The following DLGAP2 variants were observed in gnomAD, a reference collection of about 807,000 sequenced individuals.
DLGAP2 encodes the protein disks large-associated protein 2.
A neutral mutation model predicts 100.3 loss-of-function variants in DLGAP2; 26 were observed. That is an observed-to-expected ratio of 0.26 (90% CI 0.19 to 0.36). The LOEUF (loss-of-function observed/expected upper bound fraction) is 0.36, where lower values mean the gene tolerates loss of function less well. Ranked by LOEUF, DLGAP2 falls within the 10% of genes least tolerant of loss-of-function variation. The pLI, the probability that DLGAP2 is intolerant of heterozygous loss-of-function variation, is 1.00. For missense variants in DLGAP2, 1,858 were observed against 1,453.2 expected (o/e 1.28, Z -4.53); for synonymous variants, 886 against 630.1 (o/e 1.41, Z -6.08).
chr8:1,047,582 T>C (rs1206638229), intron 2 of DLGAP2, among the ~76,000 whole-genome samples: 1 of 152,092 alleles, frequency 6.6e-6, no homozygotes, highest in African/African-American at 2.4e-5. Flanking sequence ...TTTCCCAAGG[T>C]TCTGGGGTAT....
intron 3 of DLGAP2, among the ~76,000 whole-genome samples, chr8:1,360,578 A>T (rs1801960647): frequency 6.6e-6 from 1 of 151,968 alleles, no homozygotes; most frequent in African/African-American, 2.4e-5. Flanking sequence ...GCTGGCAGGT[A>T]CCCCGAAAAG....
At chr8:904,653 G>T (rs1319268749) in intron 1 of DLGAP2, among the ~76,000 whole-genome samples, 1 of 152,200 alleles carries the variant, frequency 6.6e-6, no homozygotes, top group Non-Finnish European at 1.5e-5. Context: ...CCACGGAGGG[G>T]TTAGAAATCA....
At chr8:941,986 C>G (rs970827385) in intron 2 of DLGAP2, among the ~76,000 whole-genome samples, 3 of 152,132 alleles carry the variant, frequency 2.0e-5, no homozygotes, top group African/African-American at 7.2e-5. Flanking sequence ...TTTGTTGTCT[C>G]TCTTTAAAAA....
intron 1 of DLGAP2, among the ~76,000 whole-genome samples, chr8:814,268 A>G (rs1209479251): frequency 1.3e-5 from 2 of 152,236 alleles, no homozygotes; most frequent in Admixed American, 6.5e-5. Context: ...TGTGTAGTGC[A>G]TAAGATCAAA....
At chr8:917,344 T>A (rs1432735156) in intron 2 of DLGAP2, among the ~76,000 whole-genome samples, 1 of 151,146 alleles carries the variant, frequency 6.6e-6, no homozygotes, top group African/African-American at 2.4e-5. Context: ...GCACAAACAA[T>A]CTTTCCACCT....
chr8:1,008,008 G>C (rs1160671502), intron 2 of DLGAP2, among the ~76,000 whole-genome samples: 1 of 152,066 alleles, frequency 6.6e-6, no homozygotes, highest in African/African-American at 2.4e-5. Flanking sequence ...GGATGAGCAG[G>C]GCCCTGAATG....
At chr8:1,258,221 C>G (rs1191819409) in intron 2 of DLGAP2, among the ~76,000 whole-genome samples, 2 of 152,208 alleles carry the variant, frequency 1.3e-5, no homozygotes, top group East Asian at 3.8e-4. Flanking sequence ...TAGCTGAAGT[C>G]AAGGTTTCAA....
At chr8:807,238 C>T (rs1223521426) in intron 1 of DLGAP2, among the ~76,000 whole-genome samples, 1 of 151,708 alleles carries the variant, frequency 6.6e-6, no homozygotes, top group Non-Finnish European at 1.5e-5. Context: ...AGTTCTCTCT[C>T]CTCTTTTTCT....
intron 3 of DLGAP2, among the ~76,000 whole-genome samples, chr8:1,291,853 C>T (rs995361551): frequency 1.3e-5 from 2 of 152,172 alleles, no homozygotes; most frequent in Non-Finnish European, 2.9e-5. Context: ...GGCCATATGG[C>T]TTAGTCTAAT....
intron 2 of DLGAP2, among the ~76,000 whole-genome samples, chr8:986,130 A>G (rs549633124): frequency 9.9e-5 from 15 of 152,184 alleles, no homozygotes; most frequent in South Asian, 6.2e-4. Context: ...AGTTTCTGGA[A>G]GCTCTTCATA....
chr8:791,121 C>T (rs1822015703), intron 1 of DLGAP2, among the ~76,000 whole-genome samples: 1 of 152,000 alleles, frequency 6.6e-6, no homozygotes, highest in African/African-American at 2.4e-5. Context: ...TTAATTTTTC[C>T]CCGAATTTTA....
At chr8:1,318,374 T>C (rs149235188) in intron 3 of DLGAP2, among the ~76,000 whole-genome samples, 2 of 151,756 alleles carry the variant, frequency 1.3e-5, no homozygotes, top group Non-Finnish European at 2.9e-5. Flanking sequence ...CTTCATATTG[T>C]ATTTCTCCCA....
At chr8:1,174,114 G>C (rs1797197135) in intron 2 of DLGAP2, among the ~76,000 whole-genome samples, 1 of 152,158 alleles carries the variant, frequency 6.6e-6, no homozygotes, top group Non-Finnish European at 1.5e-5. Context: ...AGAGGGCTCA[G>C]GGCTTAGGGG....
chr8:1,072,910 G>A (rs1019620798), intron 2 of DLGAP2, among the ~76,000 whole-genome samples: 2 of 152,240 alleles, frequency 1.3e-5, no homozygotes, highest in African/African-American at 4.8e-5. Flanking sequence ...CCTGCTGGCT[G>A]AGACGGAATC....
Position 1,626,853 on chromosome 8 carries a change from T to C in DLGAP2, c.1556T>C (p.Val519Ala). The change falls in exon 7 of 15, where the codon GTC becomes GCC. Residue 519 changes from valine to alanine, a missense_variant. Physicochemically the swap from Val to Ala is moderately conservative, Grantham distance 64. Coordinates refer to ENST00000637795, the MANE Select transcript of DLGAP2 (RefSeq NM_001346810.2). ...CGGAACCAGAGCTACATGAGGGCCGTCAGCACCCTGAGCCAGGCCAGCTGC... is the reference window on the plus strand; with the variant it reads ...CGGAACCAGAGCTACATGAGGGCCGCCAGCACCCTGAGCCAGGCCAGCTGC... Reference protein sequence around the residue: ...RSRNQSYMRAVSTLSQASCVS... With the variant: ...RSRNQSYMRAASTLSQASCVS... 1 of 1,606,718 alleles carries C rather than the reference T, an allele frequency of 6.2e-7. No individual in the cohort carries two copies. Among genetic ancestry groups the C allele is most frequent in the Non-Finnish European group, 8.5e-7 (1 of 1,176,816 alleles).
chr8:1,337,478 G>A (rs1259004224), intron 3 of DLGAP2, among the ~76,000 whole-genome samples: 4 of 16,894 alleles, frequency 2.4e-4, no homozygotes, highest in Admixed American at 6.0e-4. Flanking sequence ...AGGATGATGG[G>A]GATGGGGATG....
intron 3 of DLGAP2, among the ~76,000 whole-genome samples, chr8:1,315,708 C>G (rs545945932): frequency 1.3e-3 from 41 of 30,984 alleles, no homozygotes; most frequent in African/African-American, 2.8e-3. Flanking sequence ...AAAAATAGAG[C>G]CTGTACGAGT....
chr8:1,525,128 G>T (rs1370117483), intron 4 of DLGAP2, among the ~76,000 whole-genome samples: 3 of 146,860 alleles, frequency 2.0e-5, no homozygotes, highest in Non-Finnish European at 4.5e-5. Flanking sequence ...TTCAGCTGTT[G>T]TTAGGTCTCC....
At chr8:1,228,687 A>G (rs1382362457) in intron 2 of DLGAP2, among the ~76,000 whole-genome samples, 1 of 152,240 alleles carries the variant, frequency 6.6e-6, no homozygotes, top group Non-Finnish European at 1.5e-5. Context: ...AAAGGGGAAA[A>G]TGACATCAAC....
Sources: allele counts gnomAD v4.1 joint callset (sites outside exome capture counted in the v4.1 genomes callset), GRCh38; gene constraint gnomAD v4.1.1; transcripts MANE v1.5; gene names NCBI Gene and HGNC (gene_info 2026-07-23, HGNC 2026-07-21).